Variants in OCA2 observed in about 807,000 individuals in gnomAD.
OCA2 encodes the protein OCA2 melanosomal transmembrane protein.
In OCA2, 77 loss-of-function variants were observed where a neutral mutation model predicts 100.2. The observed-to-expected ratio is 0.77, with a 90% CI of 0.64 to 0.93. The LOEUF (loss-of-function observed/expected upper bound fraction) is 0.93, where lower values mean the gene tolerates loss of function less well. Ranked by LOEUF, OCA2 falls within the 40% of genes least tolerant of loss-of-function variation. The pLI is 0.00. For synonymous variants in OCA2, 432 were observed against 439.2 expected, an observed-to-expected ratio of 0.98 and a Z score of 0.21; for missense variants, 1,062 against 1,089.1, an observed-to-expected ratio of 0.98 and a Z score of 0.35.
chr15:27,780,172 A>C (rs2032463948), intron 23 of OCA2, among the ~76,000 whole-genome samples: 1 of 152,214 alleles, frequency 6.6e-6, no homozygotes, highest in South Asian at 2.1e-4. Flanking sequence ...CAGGCCCTCC[A>C]CATGCTGAGA....
chr15:27,847,837 C>T (rs12594323), intron 22 of OCA2, among the ~76,000 whole-genome samples: 31,468 of 152,074 alleles, frequency 0.21, 4,110 homozygotes, highest in East Asian at 0.56. Context: ...CGGTGTTAGC[C>T]GTAGGAAGCA....
At chr15:28,066,425 C>T (rs918238585) in intron 2 of OCA2, among the ~76,000 whole-genome samples, 1 of 151,906 alleles carries the variant, frequency 6.6e-6, no homozygotes, top group Non-Finnish European at 1.5e-5. Context: ...GGGTGGGAGG[C>T]GTTAGATATG....
At chr15:27,725,111 C>G in the OCA2 span, among the ~76,000 whole-genome samples, 1 of 152,168 alleles carries the variant, frequency 6.6e-6, no homozygotes, top group African/African-American at 2.4e-5. Flanking sequence ...AGTGCTCAAC[C>G]GCAGAGTGGG....
intron 4 of OCA2, among the ~76,000 whole-genome samples, chr15:28,026,005 T>C (rs1163231047): frequency 6.6e-6 from 1 of 152,214 alleles, no homozygotes; most frequent in African/African-American, 2.4e-5. Flanking sequence ...CCTACTTAAA[T>C]AGGAATCAAA....
At chr15:27,927,278 A>G (rs564220390) in intron 18 of OCA2, among the ~76,000 whole-genome samples, 2 of 152,292 alleles carry the variant, frequency 1.3e-5, no homozygotes, top group South Asian at 4.1e-4. Context: ...AATGAGAGCC[A>G]AACTCCATCT....
At chr15:27,760,817 T>G (rs1215362724) in intron 23 of OCA2, among the ~76,000 whole-genome samples, 1 of 152,094 alleles carries the variant, frequency 6.6e-6, no homozygotes, top group Non-Finnish European at 1.5e-5. Flanking sequence ...AAGGCCAGAT[T>G]GTCTCACTGG....
At chr15:28,090,674 A>G (rs4778138) in intron 1 of OCA2, among the ~76,000 whole-genome samples, 48,239 of 152,050 alleles carry the variant, frequency 0.32, 11,876 homozygotes, top group East Asian at 0.73. Flanking sequence ...ATCAAAATTG[A>G]CAGAACACAG....
intron 19 of OCA2, among the ~76,000 whole-genome samples, chr15:27,893,962 A>C (rs2037577154): frequency 6.6e-6 from 1 of 151,846 alleles, no homozygotes; most frequent in Non-Finnish European, 1.5e-5. Flanking sequence ...GATGCATGTG[A>C]TCTTTGTACT....
At chr15:27,833,852 G>A (rs887360097) in intron 23 of OCA2, among the ~76,000 whole-genome samples, 4 of 152,096 alleles carry the variant, frequency 2.6e-5, no homozygotes, top group Admixed American at 2.0e-4. Context: ...ATCTCTGCAC[G>A]CAACTGTGCC....
intron 1 of OCA2, among the ~76,000 whole-genome samples, chr15:28,095,810 G>C (rs1238991286): frequency 6.6e-6 from 1 of 152,180 alleles, no homozygotes; most frequent in Admixed American, 6.5e-5. Flanking sequence ...AGGCGCTGAG[G>C]TGAAAATTTG....
At chr15:27,928,163 G>A (rs2039113955) in intron 18 of OCA2, among the ~76,000 whole-genome samples, 1 of 151,866 alleles carries the variant, frequency 6.6e-6, no homozygotes, top group Admixed American at 6.6e-5. Context: ...AATTGTTCTG[G>A]TTATATTTTT....
intron 2 of OCA2, among the ~76,000 whole-genome samples, chr15:28,053,248 G>A (rs898137763): frequency 6.6e-6 from 1 of 152,140 alleles, no homozygotes; most frequent in Non-Finnish European, 1.5e-5. Flanking sequence ...TGTATCTCCA[G>A]GCAGCACCCA....
At chr15:27,896,544 A>G in intron 19 of OCA2, 1 of 428,936 alleles carries the variant, frequency 2.3e-6, no homozygotes, top group Non-Finnish European at 4.3e-6. Flanking sequence ...AAAGAATGCA[A>G]GCTTCCTCAG....
chr15:28,037,203 AAG>A (rs1257822758), intron 2 of OCA2, among the ~76,000 whole-genome samples: 1 of 151,812 alleles, frequency 6.6e-6, no homozygotes, highest in East Asian at 1.9e-4. Context: ...GAGTGGGACC[AAG>A]AGAAATCAAG....
chr15:27,906,745 A>G (rs1363558103), intron 19 of OCA2, among the ~76,000 whole-genome samples: 1 of 152,226 alleles, frequency 6.6e-6, no homozygotes, highest in African/African-American at 2.4e-5. Flanking sequence ...CAATGAAAAA[A>G]AAAAGTGTAA....
At chr15:27,823,248 G>C (rs1276527388) in intron 23 of OCA2, among the ~76,000 whole-genome samples, 1 of 151,784 alleles carries the variant, frequency 6.6e-6, no homozygotes, top group Non-Finnish European at 1.5e-5. Flanking sequence ...CTAATTATTA[G>C]AGTTTTATTA....
chr15:27,866,732 G>A (rs1350166794), intron 21 of OCA2, among the ~76,000 whole-genome samples: 2 of 152,178 alleles, frequency 1.3e-5, no homozygotes, highest in Non-Finnish European at 2.9e-5. Flanking sequence ...CAGAAGCATC[G>A]AGGAGAAAGC....
intron 3 of OCA2, among the ~76,000 whole-genome samples, chr15:28,028,746 C>T (rs113845648): frequency 0.034 from 5,152 of 152,090 alleles, 253 homozygotes; most frequent in African/African-American, 0.12. Flanking sequence ...AGTGCAGTGG[C>T]GCAATTTCAG....
chr15:27,945,429 G>A (rs1202733970), intron 18 of OCA2, among the ~76,000 whole-genome samples: 1 of 152,138 alleles, frequency 6.6e-6, no homozygotes, highest in Non-Finnish European at 1.5e-5. Context: ...GCAGAAAAAA[G>A]ATGCACTAAC....
Sources: gnomAD v4.1 joint callset for allele counts (sites outside exome capture counted in the v4.1 genomes callset) on GRCh38, gnomAD v4.1.1 for gene constraint, MANE v1.5 for transcripts, NCBI Gene and HGNC (gene_info 2026-07-23, HGNC 2026-07-21) for gene names.